The following VRK1 variants were observed in gnomAD, a reference collection of about 807,000 sequenced individuals.
The protein encoded by VRK1 is VRK serine/threonine kinase 1.
VRK1 carries 33 observed loss-of-function variants against 57.1 expected under a neutral mutation model. The ratio of observed to expected loss-of-function variants is 0.58; its 90% confidence interval spans 0.44 to 0.77. The LOEUF (loss-of-function observed/expected upper bound fraction) is 0.77, where lower values mean the gene tolerates loss of function less well. Among genes scored for constraint, VRK1 ranks in the 30% least tolerant of loss-of-function variants. VRK1 has a pLI of 0.00. For synonymous variants in VRK1, 137 were observed against 147.8 expected (o/e 0.93, Z 0.53); for missense variants, 413 against 477.3 (o/e 0.87, Z 1.25).
chr14:96,855,419 G>T, intron 8 of VRK1, 63 bp downstream of exon 8: 1 of 1,610,824 alleles, frequency 6.2e-7, no homozygotes, highest in Non-Finnish European at 8.5e-7. Context: ...TTCCTACATA[G>T]TTCTTAATTA....
At chr14:96,822,304 T>C (rs1886634882) in intron 1 of VRK1, among the ~76,000 whole-genome samples, 1 of 152,214 alleles carries the variant, frequency 6.6e-6, no homozygotes, top group Non-Finnish European at 1.5e-5. Flanking sequence ...GCAGTATGTA[T>C]TGTAATAATG....
chr14:96,870,826 T>G (rs998313612), intron 11 of VRK1, among the ~76,000 whole-genome samples: 2 of 152,154 alleles, frequency 1.3e-5, no homozygotes, highest in African/African-American at 4.8e-5. Flanking sequence ...AGCTGAATGT[T>G]TTTTCTAGGA....
chr14:96,816,343 T>A (rs145241361), intron 1 of VRK1, among the ~76,000 whole-genome samples: 11 of 152,298 alleles, frequency 7.2e-5, no homozygotes, highest in African/African-American at 2.2e-4. Flanking sequence ...CCAAAATGAA[T>A]GACTACCGCT....
chr14:96,846,884 A>C (rs1887720529), intron 4 of VRK1, among the ~76,000 whole-genome samples: 2 of 151,958 alleles, frequency 1.3e-5, no homozygotes, highest in African/African-American at 2.4e-5. Context: ...TTATATGCAG[A>C]TATTACACCA....
chr14:96,840,392 C>T (rs1220060804), intron 3 of VRK1, among the ~76,000 whole-genome samples: 4 of 152,292 alleles, frequency 2.6e-5, no homozygotes, highest in East Asian at 1.9e-4. Flanking sequence ...GGAAGCAAAG[C>T]GATGCCTTTC....
intron 3 of VRK1, among the ~76,000 whole-genome samples, chr14:96,843,433 A>G (rs527774519): frequency 6.6e-6 from 1 of 152,224 alleles, no homozygotes; most frequent in South Asian, 2.1e-4. Flanking sequence ...CTGATGTTTG[A>G]TTTTCCTCAC....
chr14:96,860,634 A>G lies in VRK1; in HGVS notation c.967A>G (p.Ile323Val), dbSNP rs754315181. The G allele has an allele frequency of 3.1e-6, 5 of 1,613,376 alleles. No homozygotes were observed. The highest frequency in any genetic ancestry group is 2.2e-5 in the South Asian group (2 of 91,050). ...ACCTCTTTATGAAAATTTACGTGAC[A>G]TTCTTTTGCAAGGACTAAAAGCTAT... The part of the protein sequence containing the change: ...EKPLYENLRD[I>V]LLQGLKAIGS... The change falls in exon 11 of 13, where the codon ATT (isoleucine) becomes GTT (valine). Residue 323 changes from isoleucine (I) to valine (V), a missense_variant. This residue lies in a region of VRK1 where 146 missense variants were observed against 138.2 expected (regional missense o/e 1.06). Transcript: ENST00000216639.
intron 1 of VRK1, among the ~76,000 whole-genome samples, chr14:96,824,662 T>C (rs567162495): frequency 6.0e-5 from 9 of 150,196 alleles, no homozygotes; most frequent in African/African-American, 2.0e-4. Context: ...ATTAAAAACA[T>C]TAATTTTTTT....
rs1370314470 is a variant in VRK1, at chr14:96,833,620, G to A, written c.149G>A (p.Cys50Tyr). ...GLPIGQGGFG[C>Y]IYLADMNSSE... is the part of the protein sequence containing the mutation. ...CCCATTGGCCAAGGAGGCTTTGGCT[G>A]TATATATCTTGGTAAGTGTGTGACT... Residue 50 changes from cysteine to tyrosine, a missense_variant, in exon 2 of 13, where the codon TGT (cysteine) becomes TAT (tyrosine). By Grantham distance (194) the Cys-to-Tyr change is radical. Coordinates refer to ENST00000216639, the MANE Select transcript of VRK1 (RefSeq NM_003384.3). 1 of 1,613,530 alleles carries A rather than the reference G, an allele frequency of 6.2e-7. No homozygotes were observed. Among genetic ancestry groups the A allele is most frequent in the Non-Finnish European group, 8.5e-7 (1 of 1,179,620 alleles).
intron 1 of VRK1, among the ~76,000 whole-genome samples, chr14:96,826,426 C>T (rs1015750253): frequency 4.6e-5 from 7 of 152,240 alleles, no homozygotes; most frequent in African/African-American, 1.7e-4. Context: ...CAGCAAAGGG[C>T]AGTATTGATT....
At position 96,876,126 on chromosome 14, in the gene VRK1, T is replaced by C. The variant is rs1422557902; in HGVS notation, c.1159+6T>C. The C allele has an allele frequency of 7.4e-6, 12 of 1,613,260 alleles. No individual in the cohort carries two copies. Among genetic ancestry groups the C allele is most frequent in the Admixed American group, 1.7e-5 (1 of 59,996 alleles). On this transcript the variant is annotated splice_donor_region_variant and intron_variant, in intron 12 of 12. Transcript: ENST00000216639. ...AGAGGAGGCCATACAGACCCGTAAG[T>C]TGAACAGTTTTGCCTAGCTGCTTTC...
At chr14:96,868,801 C>CTT (rs34215586) in intron 11 of VRK1, among the ~76,000 whole-genome samples, 52 of 124,330 alleles carry the variant, frequency 4.2e-4, no homozygotes, top group Non-Finnish European at 7.7e-4. Context: ...CATTTCTGTG[C>CTT]TTTTTTTTTT....
At chr14:96,808,017 C>CTCTCTCTCTCTGTGTG (rs1491505548) in intron 1 of VRK1, among the ~76,000 whole-genome samples, 2 of 127,246 alleles carry the variant, frequency 1.6e-5, no homozygotes, top group Non-Finnish European at 3.3e-5. Context: ...CTCTCTCCCT[C>CTCTCTCTCTCTGTGTG]TGTGTGTGTG....
intron 11 of VRK1, among the ~76,000 whole-genome samples, chr14:96,869,914 T>C (rs566520965): frequency 6.6e-6 from 1 of 152,214 alleles, no homozygotes; most frequent in Non-Finnish European, 1.5e-5. Context: ...ATGTGTTGCC[T>C]TGAGATTAGT....
rs1887099492 is a variant in VRK1 at position 96,833,615 on chromosome 14, T to C, written c.144T>C (p.Phe48=). The change falls in exon 2 of 13, where the codon TTT becomes TTC. Residue 48 remains phenylalanine, a synonymous_variant. Coordinates refer to ENST00000216639, the MANE Select transcript of VRK1 (RefSeq NM_003384.3). ...GATTACCCATTGGCCAAGGAGGCTT[T>C]GGCTGTATATATCTTGGTAAGTGTG... ...KVGLPIGQGG[F]GCIYLADMNS... 1.3e-5 allele frequency: 21 copies of C among 1,613,608 alleles called. No individual in the cohort carries two copies. Among genetic ancestry groups the C allele is most frequent in the African/African-American group, 2.7e-5 (2 of 74,910 alleles).
chr14:96,798,200 C>T (rs566979559), intron 1 of VRK1, among the ~76,000 whole-genome samples: 99 of 152,292 alleles, frequency 6.5e-4, no homozygotes, highest in African/African-American at 2.3e-3. Flanking sequence ...TTTGACAGTT[C>T]CTCCTCATTC....
At chr14:96,864,378 G>T (rs1443096574) in intron 11 of VRK1, among the ~76,000 whole-genome samples, 1 of 152,090 alleles carries the variant, frequency 6.6e-6, no homozygotes, top group Non-Finnish European at 1.5e-5. Flanking sequence ...TATAGTAATG[G>T]TATCATATAT....
At chr14:96,808,002 C>CATCTCTCTCTCTCT (rs1555357994) in intron 1 of VRK1, among the ~76,000 whole-genome samples, 1 of 118,140 alleles carries the variant, frequency 8.5e-6, no homozygotes, top group Non-Finnish European at 1.7e-5. Context: ...TCCCTCTCTC[C>CATCTCTCTCTCTCT]CTCTCTCTCT....
chr14:96,862,966 A>G (rs1269613223), intron 11 of VRK1, among the ~76,000 whole-genome samples: 1 of 152,220 alleles, frequency 6.6e-6, no homozygotes, highest in Non-Finnish European at 1.5e-5. Context: ...TTCCTAAGAA[A>G]TATTCTTTTT....
Sources: gnomAD v4.1 joint callset for allele counts (sites outside exome capture counted in the v4.1 genomes callset) on GRCh38, gnomAD v4.1.1 for gene constraint, gnomAD v4.1.1 regional missense constraint, MANE v1.5 for transcripts, NCBI Gene and HGNC (gene_info 2026-07-23, HGNC 2026-07-21) for gene names.